The following PREX1 variants were observed in gnomAD, a reference collection of about 807,000 sequenced individuals.
PREX1 encodes the protein phosphatidylinositol 3,4,5-trisphosphate-dependent Rac exchanger 1 protein.
A neutral mutation model predicts 198.3 loss-of-function variants in PREX1; 41 were observed. That is an observed-to-expected ratio of 0.21 (90% CI 0.16 to 0.27). The LOEUF (loss-of-function observed/expected upper bound fraction) is 0.27, where lower values mean the gene tolerates loss of function less well. Among genes scored for constraint, PREX1 ranks in the 10% least tolerant of loss-of-function variants. The pLI, the probability that PREX1 is intolerant of heterozygous loss-of-function variation, is 1.00. For missense variants in PREX1, 1,620 were observed against 2,200.7 expected (o/e 0.74, Z 5.28); for synonymous variants, 843 against 887.2 (o/e 0.95, Z 0.89).
chr20:48,823,327 T>C (rs1169871497), intron 1 of PREX1, among the ~76,000 whole-genome samples: 2 of 144,146 alleles, frequency 1.4e-5, no homozygotes, highest in Non-Finnish European at 3.1e-5. Flanking sequence ...TGGGAGTTAC[T>C]GGCACCTGCC....
intron 1 of PREX1, among the ~76,000 whole-genome samples, chr20:48,786,286 T>C (rs957530382): frequency 7.9e-5 from 12 of 152,164 alleles, no homozygotes; most frequent in Non-Finnish European, 1.5e-4. Context: ...TTTCAGGGCA[T>C]GTAGGTTTTG....
rs1555831645 is a variant in PREX1 at position 48,653,635 on chromosome 20, C to T, written c.2210-138G>A. The stretch of plus-strand genomic sequence containing the variant: ...CTCCACCCCTCCCACCCCAGAGCCG[C>T]CCTCTGACACTCCAGTGCAAAGAAT... On this transcript the variant is annotated intron_variant, in intron 19 of 39. Coordinates refer to ENST00000371941, the MANE Select transcript of PREX1 (RefSeq NM_020820.4). 4 of 1,033,438 alleles carry T rather than the reference C, an allele frequency of 3.9e-6. No individual in the cohort carries two copies. In the South Asian group the frequency reaches 4.9e-5, roughly 13 times the overall value. 64.0% of individuals were successfully genotyped at this position (1,033,438 alleles called of 1,614,324 possible).
chr20:48,728,326 T>A (rs2090018569), intron 4 of PREX1, among the ~76,000 whole-genome samples: 1 of 152,248 alleles, frequency 6.6e-6, no homozygotes. Context: ...AGAAAGTTCA[T>A]GCCGAAAGCC....
At chr20:48,794,388 T>C (rs1313670672) in intron 1 of PREX1, among the ~76,000 whole-genome samples, 1 of 152,144 alleles carries the variant, frequency 6.6e-6, no homozygotes, top group Non-Finnish European at 1.5e-5. Flanking sequence ...GAGGCAAAGC[T>C]GGGAAGACAG....
At chr20:48,719,296 T>A (rs900687105) in intron 5 of PREX1, among the ~76,000 whole-genome samples, 1 of 146,888 alleles carries the variant, frequency 6.8e-6, no homozygotes, top group Non-Finnish European at 1.5e-5. Flanking sequence ...GAAGAGGTGA[T>A]GGCAGGACCC....
chr20:48,641,440 T>C (rs767854025), intron 29 of PREX1, among the ~76,000 whole-genome samples: 12 of 152,150 alleles, frequency 7.9e-5, no homozygotes, highest in Non-Finnish European at 1.5e-4. Flanking sequence ...TTAAGAGTGA[T>C]ACTTTTTAAA....
intron 33 of PREX1, among the ~76,000 whole-genome samples, chr20:48,633,866 G>A (rs1482622611): frequency 6.6e-6 from 1 of 152,228 alleles, no homozygotes; most frequent in Non-Finnish European, 1.5e-5. Flanking sequence ...TCTAGACTAT[G>A]AGCTCCAGGA....
intron 33 of PREX1, among the ~76,000 whole-genome samples, chr20:48,633,425 A>G (rs58400536): frequency 0.2 from 29,727 of 152,276 alleles, 2,939 homozygotes; most frequent in Middle Eastern, 0.3. Flanking sequence ...GGGTGCAGCA[A>G]TTAGGAAAAA....
the PREX1 span, among the ~76,000 whole-genome samples, chr20:48,848,739 A>C: frequency 6.6e-6 from 1 of 152,004 alleles, no homozygotes; most frequent in Admixed American, 6.6e-5. Context: ...TAGATATATA[A>C]CATTTTTAGG....
chr20:48,691,220 G>T lies in PREX1; in HGVS notation c.1037-124C>A. The T allele has an allele frequency of 8.1e-7, 1 of 1,235,326 alleles. No homozygotes were observed. The highest frequency in any genetic ancestry group is 1.2e-6 in the Non-Finnish European group (1 of 864,558). 76.5% of individuals were successfully genotyped at this position (1,235,326 alleles called of 1,614,324 possible). ...CTCGCCTGGATCAGGATGGGGAGCT[G>T]GACTTCCAGCCCTTCAAACGCTCAC... On this transcript the variant is annotated intron_variant, in intron 8 of 39. Coordinates refer to ENST00000371941, the MANE Select transcript of PREX1 (RefSeq NM_020820.4). This position sits in a 1 kb window ranked among gnomAD's most constrained non-coding sequence, Gnocchi z 5.0.
chr20:48,750,765 T>C (rs2122794128), intron 1 of PREX1, among the ~76,000 whole-genome samples: 1 of 152,292 alleles, frequency 6.6e-6, no homozygotes, highest in East Asian at 1.9e-4. Flanking sequence ...AAGCAATCTA[T>C]ACAAGCTCCT....
the PREX1 span, among the ~76,000 whole-genome samples, chr20:48,846,078 C>T: frequency 3.9e-5 from 6 of 152,188 alleles, no homozygotes; most frequent in East Asian, 1.9e-4. Flanking sequence ...GTCCTCCCAC[C>T]GACCCCATGA....
chr20:48,678,309 C>CAA (rs59216848), intron 13 of PREX1, among the ~76,000 whole-genome samples: 8 of 141,962 alleles, frequency 5.6e-5, no homozygotes, highest in East Asian at 2.1e-4. Context: ...GGCTCTGTCT[C>CAA]AAAAAAAAAA....
At chr20:48,669,841 G>A (rs2089663397) in intron 14 of PREX1, among the ~76,000 whole-genome samples, 1 of 152,210 alleles carries the variant, frequency 6.6e-6, no homozygotes, top group South Asian at 2.1e-4. Flanking sequence ...AATGAAGATG[G>A]AGAAGGCAAA....
chr20:48,854,837 G>A, the PREX1 span, among the ~76,000 whole-genome samples: 3 of 152,218 alleles, frequency 2.0e-5, no homozygotes, highest in African/African-American at 7.2e-5. Context: ...ATTCCTTGAA[G>A]GGGGTTTCCA....
intron 29 of PREX1, 135 bp from the exon 30 acceptor site, chr20:48,640,029 G>T: frequency 8.4e-7 from 1 of 1,190,116 alleles, no homozygotes; most frequent in Non-Finnish European, 1.2e-6. Flanking sequence ...AGGACTCCTG[G>T]GCATTATCGG....
intron 35 of PREX1, among the ~76,000 whole-genome samples, chr20:48,631,736 G>A (rs1322884528): frequency 1.3e-5 from 2 of 152,170 alleles, no homozygotes; most frequent in Admixed American, 6.5e-5. Context: ...ACACACGCAG[G>A]AAGGGCTGTG....
At chr20:48,640,283 T>C (rs1314166651) in intron 29 of PREX1, among the ~76,000 whole-genome samples, 1 of 151,894 alleles carries the variant, frequency 6.6e-6, no homozygotes, top group Non-Finnish European at 1.5e-5. Flanking sequence ...ACATGAGTTC[T>C]ATCCCTTTCC....
the PREX1 span, among the ~76,000 whole-genome samples, chr20:48,872,218 C>T: frequency 2.0e-5 from 3 of 151,808 alleles, no homozygotes; most frequent in Non-Finnish European, 4.4e-5. Flanking sequence ...CGTGACATAC[C>T]TTCACTGAGA....
Sources: gnomAD v4.1 joint callset for allele counts (sites outside exome capture counted in the v4.1 genomes callset) on GRCh38, gnomAD v4.1.1 for gene constraint, Gnocchi (gnomAD v3.1) non-coding constraint, MANE v1.5 for transcripts, NCBI Gene and HGNC (gene_info 2026-07-23, HGNC 2026-07-21) for gene names.